The following CIT variants were observed in gnomAD, a reference collection of about 807,000 sequenced individuals.
The protein encoded by CIT is citron Rho-interacting kinase.
Under a neutral mutation model 272.7 loss-of-function variants are expected in CIT, and 79 were observed. The ratio of observed to expected loss-of-function variants is 0.29; its 90% CI spans 0.24 to 0.35. The LOEUF is 0.35. Ranked by LOEUF, CIT falls within the 10% of genes least tolerant of loss-of-function variation. The probability of loss-of-function intolerance (pLI) is 1.00; values close to 1 mark genes in which losing one functional copy is unlikely to be tolerated. For synonymous variants in CIT, 948 were observed against 995.6 expected, an observed-to-expected ratio of 0.95 and a Z score of 0.90; for missense variants, 1,909 against 2,618.3, an observed-to-expected ratio of 0.73 and a Z score of 5.91.
At chr12:119,801,888 C>G (rs1966234191) in intron 10 of CIT, among the ~76,000 whole-genome samples, 1 of 152,190 alleles carries the variant, frequency 6.6e-6, no homozygotes, top group South Asian at 2.1e-4. Flanking sequence ...ATTTGAAACC[C>G]AGCCCCCAGA....
chr12:119,781,405 TTTC>T (rs1964276179), intron 13 of CIT, among the ~76,000 whole-genome samples: 1 of 152,192 alleles, frequency 6.6e-6, no homozygotes, highest in Non-Finnish European at 1.5e-5. Context: ...TTTGCAGAAG[TTTC>T]TTGCATTAGC....
intron 22 of CIT, among the ~76,000 whole-genome samples, chr12:119,755,612 A>C (rs145112109): frequency 2.0e-5 from 3 of 152,348 alleles, no homozygotes; most frequent in Non-Finnish European, 4.4e-5. Flanking sequence ...TGCTGGTGCC[A>C]GCGAACCCTG....
intron 26 of CIT, among the ~76,000 whole-genome samples, chr12:119,731,191 G>A (rs1188580156): frequency 6.6e-6 from 1 of 151,506 alleles, no homozygotes; most frequent in East Asian, 2.0e-4. Context: ...ACTGAAACTT[G>A]AGGCTGGGTG....
rs759098639 is a variant in CIT at position 119,857,495 on chromosome 12, G to T, written c.414+28C>A. 5 of 1,611,968 alleles carry T rather than the reference G, an allele frequency of 3.1e-6. No individual in the cohort carries two copies. In the East Asian group the frequency reaches 8.9e-5, roughly 29 times the overall value. ...AATGAACACTCCGGTACAGAAAGTGGAAAAGCATGATGTTAAAATCCTCCT... is the reference window on the plus strand; with the variant it reads ...AATGAACACTCCGGTACAGAAAGTGTAAAAGCATGATGTTAAAATCCTCCT... On this transcript the variant is annotated intron_variant, in intron 4 of 47. Coordinates refer to ENST00000392521, the MANE Select transcript of CIT (RefSeq NM_001206999.2).
chr12:119,709,494 GA>G (rs2137043049), intron 39 of CIT, among the ~76,000 whole-genome samples: 1 of 152,194 alleles, frequency 6.6e-6, no homozygotes, highest in African/African-American at 2.4e-5. Flanking sequence ...AGAGACGGAG[GA>G]AAAAGAGCTG....
At chr12:119,829,083 A>C (rs1245448719) in intron 7 of CIT, among the ~76,000 whole-genome samples, 1 of 152,102 alleles carries the variant, frequency 6.6e-6, no homozygotes, top group Admixed American at 6.5e-5. Flanking sequence ...TTTCACTAAC[A>C]AAAAGCAGAT....
chr12:119,833,080 G>C (rs1324302222), intron 6 of CIT, among the ~76,000 whole-genome samples: 2 of 152,084 alleles, frequency 1.3e-5, no homozygotes, highest in Admixed American at 6.5e-5. Context: ...GGGGGAAAGA[G>C]AAAAAGGGCG....
At position 119,710,560 on chromosome 12, in the gene CIT, T is replaced by A; in HGVS notation, c.4915A>T (p.Thr1639Ser). The change falls in exon 38 of 48, where the codon ACG becomes TCG. Residue 1639 changes from threonine (T) to serine (S), a missense_variant. Transcript: ENST00000392521. The surrounding 1 kb of genome is among the most constrained non-coding windows in gnomAD (Gnocchi z 5.6). ...EGDDRLDMNC[T>S]LPFSDQVVLV... Reference sequence around the variant, plus strand: ...ATTACCTGGTCACTGAAGGGCAGCGTGCAGTTCATGTCTAGACGGTCATCA... The same window carrying A: ...ATTACCTGGTCACTGAAGGGCAGCGAGCAGTTCATGTCTAGACGGTCATCA... 6.2e-7 allele frequency: 1 copy of A among 1,614,232 alleles called. No individual in the cohort carries two copies.
At position 119,775,849 on chromosome 12, in the gene CIT, A is replaced by T. The variant is rs924251219; in HGVS notation, c.1888-10T>A. The T allele has an allele frequency of 1.2e-6, 2 of 1,609,434 alleles. No homozygotes were observed. Among genetic ancestry groups the T allele is most frequent in the African/African-American group, 2.7e-5 (2 of 74,798 alleles). ...GCTGCTCAGCATTGATCTATAATTA[A>T]AATCCCAGGAAATAAAGCAAAAGGC... On this transcript the variant is annotated splice_polypyrimidine_tract_variant and intron_variant, in intron 15 of 47. Coordinates refer to ENST00000392521, the MANE Select transcript of CIT (RefSeq NM_001206999.2).
intron 5 of CIT, among the ~76,000 whole-genome samples, chr12:119,843,608 G>A (rs1275644946): frequency 2.0e-5 from 3 of 152,130 alleles, no homozygotes; most frequent in East Asian, 1.9e-4. Flanking sequence ...TCAGGAGTTC[G>A]AGAACAGCCT....
chr12:119,790,224 ATAT>A (rs956368840), intron 10 of CIT, among the ~76,000 whole-genome samples: 2 of 152,092 alleles, frequency 1.3e-5, no homozygotes, highest in Non-Finnish European at 2.9e-5. Flanking sequence ...TATCACATAT[ATAT>A]TATTACCAAA....
intron 8 of CIT, among the ~76,000 whole-genome samples, chr12:119,823,983 G>A (rs561367819): frequency 1.4e-4 from 19 of 140,712 alleles, no homozygotes; most frequent in African/African-American, 5.2e-4. Context: ...GGGTTGCAGT[G>A]AGCCGATATT....
At chr12:119,703,420 ACT>A (rs1491430311) in intron 41 of CIT, among the ~76,000 whole-genome samples, 7 of 110,382 alleles carry the variant, frequency 6.3e-5, no homozygotes, top group Admixed American at 1.8e-4. Flanking sequence ...CCTTCATTTC[ACT>A]TTTTTTTTTT....
chr12:119,763,420 C>T (rs759413123), intron 19 of CIT, among the ~76,000 whole-genome samples: 23 of 152,056 alleles, frequency 1.5e-4, no homozygotes, highest in Non-Finnish European at 3.2e-4. Context: ...ATGAGAAGGG[C>T]GTCTCACTTT....
intron 9 of CIT, among the ~76,000 whole-genome samples, chr12:119,816,203 T>C (rs1370827137): frequency 6.6e-6 from 1 of 152,170 alleles, no homozygotes; most frequent in Admixed American, 6.5e-5. Flanking sequence ...CCACCCTTAA[T>C]TAAAATCCAA....
chr12:119,875,236 A>C (rs941122702), intron 2 of CIT, among the ~76,000 whole-genome samples: 8 of 151,908 alleles, frequency 5.3e-5, no homozygotes, highest in Admixed American at 3.9e-4. Context: ...CCAGGAGGTC[A>C]AGGCTGCAGT....
At chr12:119,870,990 G>A (rs542363237) in intron 2 of CIT, among the ~76,000 whole-genome samples, 55 of 152,018 alleles carry the variant, frequency 3.6e-4, no homozygotes, top group Middle Eastern at 3.4e-3. Context: ...GTGGAGGCAC[G>A]TGCCTGTAAT....
chr12:119,731,927 C>T (rs1231165693), intron 26 of CIT, among the ~76,000 whole-genome samples: 1 of 151,454 alleles, frequency 6.6e-6, no homozygotes, highest in Non-Finnish European at 1.5e-5. Flanking sequence ...CCTCCACCTC[C>T]AAGATTCAAG....
rs772344587 is a variant in CIT, at chr12:119,710,366, C to T, written c.4956G>A (p.Glu1652=). Reference sequence around the variant, plus strand: ...AGACATTCAGGGCGTAGAGCCCTTCCTCGGTGCCCACCAACACCACCTGCA... The same window carrying T: ...AGACATTCAGGGCGTAGAGCCCTTCTTCGGTGCCCACCAACACCACCTGCA... ...FSDQVVLVGT[E]EGLYALNVLK... is the part of the protein sequence containing the mutation. The change falls in exon 39 of 48, where the codon GAG becomes GAA. Residue 1652 remains glutamate (E), a synonymous_variant. Coordinates refer to ENST00000392521, the MANE Select transcript of CIT (RefSeq NM_001206999.2). This position sits in a 1 kb window ranked among gnomAD's most constrained non-coding sequence, Gnocchi z 5.6. The T allele has an allele frequency of 6.2e-7, 1 of 1,614,176 alleles. No homozygotes were observed. Among genetic ancestry groups the T allele is most frequent in the Non-Finnish European group, 8.5e-7 (1 of 1,180,024 alleles).
Sources: allele counts gnomAD v4.1 joint callset (sites outside exome capture counted in the v4.1 genomes callset), GRCh38; gene constraint gnomAD v4.1.1; non-coding constraint Gnocchi (gnomAD v3.1); transcripts MANE v1.5; gene names NCBI Gene and HGNC (gene_info 2026-07-23, HGNC 2026-07-21).